Variants in CASZ1 observed in about 807,000 individuals in gnomAD.
CASZ1 encodes the protein castor zinc finger 1, also known as zinc finger protein castor homolog 1.
Under a neutral mutation model 135.2 loss-of-function variants are expected in CASZ1, and 28 were observed. That is an observed-to-expected ratio of 0.21 (90% confidence interval 0.15 to 0.28). The LOEUF (loss-of-function observed/expected upper bound fraction) is 0.28, where lower values mean the gene tolerates loss of function less well. Ranked by LOEUF, CASZ1 falls within the 10% of genes least tolerant of loss-of-function variation. The probability of loss-of-function intolerance (pLI) is 1.00; values close to 1 mark genes in which losing one functional copy is unlikely to be tolerated. For synonymous variants in CASZ1, 1,068 were observed against 1,073.4 expected (o/e 0.99, Z 0.10); for missense variants, 2,161 against 2,453.3 (o/e 0.88, Z 2.52).
intron 2 of CASZ1, among the ~76,000 whole-genome samples, chr1:10,723,519 T>A: frequency 6.6e-6 from 1 of 152,210 alleles, no homozygotes; most frequent in East Asian, 1.9e-4. Flanking sequence ...GCCTCACCCC[T>A]GCCCCGGTGC....
intron 2 of CASZ1, among the ~76,000 whole-genome samples, chr1:10,722,701 G>A (rs1369527716): frequency 6.6e-6 from 1 of 152,236 alleles, no homozygotes; most frequent in Non-Finnish European, 1.5e-5. Flanking sequence ...CCCCAGCAGA[G>A]CCGTGGTGGT....
At position 10,701,206 on chromosome 1, in the gene CASZ1, G is replaced by A. The variant is rs755317156; in HGVS notation, c.-24+4286C>T. ...GGCAGCTGCTCCCTGGCAGGGAAGC[G>A]GGTACGTGGCCCTCCTCCTGCCTCC... On this transcript the variant is annotated intron_variant, in intron 3 of 20. Transcript: ENST00000377022. This position sits in a 1 kb window ranked among gnomAD's most constrained non-coding sequence, Gnocchi z 6.3. Among the ~76,000 whole-genome samples, 4 of 152,196 alleles carry A rather than the reference G, an allele frequency of 2.6e-5. No homozygotes were observed. Among genetic ancestry groups the A allele is most frequent in the African/African-American group, 4.8e-5 (2 of 41,452 alleles).
Position 10,666,568 on chromosome 1 carries a change from C to G in CASZ1, c.17-997G>C, listed in dbSNP as rs990828536. Among the ~76,000 whole-genome samples, 1 of 152,220 alleles carries G rather than the reference C, an allele frequency of 6.6e-6. No homozygotes were observed. The highest frequency in any genetic ancestry group is 2.4e-5 in the African/African-American group (1 of 41,464). On this transcript the variant is annotated intron_variant, in intron 4 of 20. Coordinates refer to ENST00000377022, the MANE Select transcript of CASZ1 (RefSeq NM_001079843.3). This position sits in a 1 kb window ranked among gnomAD's most constrained non-coding sequence, Gnocchi z 5.2. ...CGCTTAGGTCCCTCACGGAACGCCCCGAAGCGCCGGTCACAGCACCTAATC... is the reference window on the plus strand; with the variant it reads ...CGCTTAGGTCCCTCACGGAACGCCCGGAAGCGCCGGTCACAGCACCTAATC...
At chr1:10,662,580 A>G (rs1163605701) in intron 5 of CASZ1, among the ~76,000 whole-genome samples, 1 of 149,082 alleles carries the variant, frequency 6.7e-6, no homozygotes, top group Non-Finnish European at 1.5e-5. Flanking sequence ...ATGTGCTCAC[A>G]ATCACACACA....
At chr1:10,758,329 T>TCTCTC (rs374544967) in intron 2 of CASZ1, among the ~76,000 whole-genome samples, 40,163 of 80,194 alleles carry the variant, frequency 0.5, 8,584 homozygotes, top group Non-Finnish European at 0.63. Context: ...TCTCTCTCTC[T>TCTCTC]TTTTTTTTTT....
At chr1:10,760,194 A>T (rs1370900565) in intron 2 of CASZ1, among the ~76,000 whole-genome samples, 2 of 152,216 alleles carry the variant, frequency 1.3e-5, no homozygotes, top group Non-Finnish European at 2.9e-5. Flanking sequence ...AATCATCCCC[A>T]GGCCAGCTCC....
Position 10,664,210 on chromosome 1 carries a change from A to G in CASZ1, c.505+873T>C, listed in dbSNP as rs559169615. On this transcript the variant is annotated intron_variant, in intron 5 of 20. Coordinates refer to ENST00000377022, the MANE Select transcript of CASZ1 (RefSeq NM_001079843.3). ...GAGATGCACCCCTTGCTGCAGGGGA[A>G]GGGCTAGGGGAGCGGGCAGGGGAGG... Among the ~76,000 whole-genome samples, 53 of 152,176 alleles carry G rather than the reference A, an allele frequency of 3.5e-4. 1 individual carries two copies. In the South Asian group the frequency reaches 9.1e-3, roughly 26 times the overall value.
At chr1:10,783,716 T>C (rs1240551888) in intron 1 of CASZ1, among the ~76,000 whole-genome samples, 13 of 151,398 alleles carry the variant, frequency 8.6e-5, no homozygotes, top group Admixed American at 8.6e-4. Flanking sequence ...CTACTAAAAA[T>C]ACAAAATTAG....
rs375855210 is a variant in CASZ1 at position 10,665,486 on chromosome 1, G to A, written c.102C>T (p.Ile34=). Residue 34 remains isoleucine (I), a synonymous_variant, in exon 5 of 21, where the codon ATC becomes ATT. Coordinates refer to ENST00000377022, the MANE Select transcript of CASZ1 (RefSeq NM_001079843.3). The stretch of plus-strand genomic sequence containing the variant: ...CCACCTGGCGGCTCAGCTTGGCGCA[G>A]ATGGCGTTCAGCTTCAGGCCACCCT... ...KRKGGLKLNA[I]CAKLSRQVVV... 1.2e-6 allele frequency: 2 copies of A among 1,607,514 alleles called. No homozygotes were observed. The highest frequency in any genetic ancestry group is 1.3e-5 in the African/African-American group (1 of 75,056).
At chr1:10,671,545 A>G (rs998590430) in intron 4 of CASZ1, among the ~76,000 whole-genome samples, 12 of 152,132 alleles carry the variant, frequency 7.9e-5, no homozygotes, top group Non-Finnish European at 1.6e-4. Context: ...TGCTCCGGGC[A>G]AGTGTCTCTG....
chr1:10,709,590 A>T lies in CASZ1; in HGVS notation c.-76-4046T>A, dbSNP rs962518399. On this transcript the variant is annotated intron_variant, in intron 2 of 20. Coordinates refer to ENST00000377022, the MANE Select transcript of CASZ1 (RefSeq NM_001079843.3). The surrounding 1 kb of genome is among the most constrained non-coding windows in gnomAD (Gnocchi z 5.1). ...AAACTTTTTAGGAAAAGCATGTTAA[A>T]AGAGTGAAAAAGAAAGAGAGAGCGG... is the stretch of plus-strand genomic sequence containing the variant. 4.6e-5 allele frequency among the ~76,000 whole-genome samples: 7 copies of T among 152,122 alleles called. No individual in the cohort carries two copies. Among genetic ancestry groups the T allele is most frequent in the African/African-American group, 7.2e-5 (3 of 41,416 alleles).
intron 2 of CASZ1, among the ~76,000 whole-genome samples, chr1:10,750,681 C>T (rs1640134656): frequency 1.3e-5 from 2 of 152,046 alleles, no homozygotes; most frequent in African/African-American, 2.4e-5. Context: ...AGGTGGATCA[C>T]ATGAGGTCAG....
chr1:10,645,193 C>T, intron 17 of CASZ1, 105 bp from the exon 18 acceptor site: 1 of 966,260 alleles, frequency 1.0e-6, no homozygotes, highest in Non-Finnish European at 1.6e-6. Flanking sequence ...GTGTTCTTCT[C>T]TGCTCAGAAG....
At chr1:10,779,274 T>C (rs1640717817) in intron 1 of CASZ1, among the ~76,000 whole-genome samples, 1 of 142,412 alleles carries the variant, frequency 7.0e-6, no homozygotes, top group South Asian at 2.2e-4. Flanking sequence ...TCTCATAATT[T>C]TATAATTTTT....
chr1:10,764,818 G>A (rs1440913581), intron 1 of CASZ1, among the ~76,000 whole-genome samples: 8 of 152,176 alleles, frequency 5.3e-5, no homozygotes, highest in Admixed American at 2.0e-4. Flanking sequence ...GCTTCTGGCC[G>A]GGCTGAAAAG....
intron 9 of CASZ1, 67 bp from the exon 10 acceptor site, chr1:10,654,658 CTG>C: frequency 6.7e-7 from 1 of 1,481,496 alleles, no homozygotes; most frequent in East Asian, 2.3e-5. Flanking sequence ...GTCGACACCA[CTG>C]TGTGTGGCTG....
chr1:10,731,967 TAATA>T (rs1355169248), intron 2 of CASZ1, among the ~76,000 whole-genome samples: 2 of 152,306 alleles, frequency 1.3e-5, no homozygotes, highest in East Asian at 1.9e-4. Flanking sequence ...TTAAATGAAT[TAATA>T]AATAATGATT....
intron 1 of CASZ1, among the ~76,000 whole-genome samples, chr1:10,787,645 G>A (rs1327176055): frequency 1.3e-5 from 2 of 151,838 alleles, no homozygotes; most frequent in African/African-American, 4.8e-5. Context: ...ACACGCGCAC[G>A]ATCACCCGCA....
intron 8 of CASZ1, 137 bp downstream of exon 8, chr1:10,656,509 C>T (rs1642799746): frequency 1.5e-6 from 1 of 668,474 alleles, no homozygotes; most frequent in Non-Finnish European, 2.7e-6. Context: ...TTTGCGGGCC[C>T]TCTACCTGCT....
Sources: allele counts gnomAD v4.1 joint callset (sites outside exome capture counted in the v4.1 genomes callset), GRCh38; gene constraint gnomAD v4.1.1; non-coding constraint Gnocchi (gnomAD v3.1); transcripts MANE v1.5; gene names NCBI Gene and HGNC (gene_info 2026-07-23, HGNC 2026-07-21).